Variants in MFSD8 observed in about 807,000 individuals in gnomAD.
The protein encoded by MFSD8 is major facilitator superfamily domain containing 8.
In MFSD8, 55 loss-of-function variants were observed where a neutral mutation model predicts 66.4. The observed-to-expected ratio is 0.83, with a 90% confidence interval of 0.67 to 1.04. MFSD8 has a LOEUF of 1.04. MFSD8 is among the 50% of genes least tolerant of loss of function. The probability of loss-of-function intolerance (pLI) is 0.00; values close to 1 mark genes in which losing one functional copy is unlikely to be tolerated. For missense variants in MFSD8, 550 were observed against 627.6 expected (o/e 0.88, Z 1.32); for synonymous variants, 202 against 212.8 (o/e 0.95, Z 0.44).
chr4:127,950,058 C>T (rs868260266), intron 2 of MFSD8, among the ~76,000 whole-genome samples: 8 of 152,008 alleles, frequency 5.3e-5, no homozygotes, highest in African/African-American at 1.9e-4. Context: ...ATCATAATAA[C>T]AAATACAAAA....
intron 8 of MFSD8, chr4:127,932,751 T>C (rs1416429415): frequency 5.1e-6 from 2 of 388,550 alleles, no homozygotes; most frequent in African/African-American, 2.1e-5. Context: ...AGGGAAAGAG[T>C]AGTGAAACAG....
At chr4:127,930,932 A>C in intron 8 of MFSD8, 115 bp from the exon 9 acceptor site, 2 of 1,037,756 alleles carry the variant, frequency 1.9e-6, no homozygotes, top group Non-Finnish European at 2.8e-6. Context: ...CATGCCTTTT[A>C]GCAATGACAA....
In MFSD8 at chr4:127,933,002, GATAA is replaced by G. The variant is rs1738418070; in HGVS notation, c.842_845del (p.Phe281SerfsTer12). On this transcript the variant is annotated frameshift_variant, in exon 8 of 12. Transcript: ENST00000641686. LOFTEE classifies it high-confidence loss of function. Reference sequence around the variant, plus strand: ...AAACTTACGTTTCAAAAAGGGCAAAGATAAATAGAGTCACAAAAAACAGAACATT... The same window carrying G: ...AAACTTACGTTTCAAAAAGGGCAAAGATAGAGTCACAAAAAACAGAACATT... 6.2e-7 allele frequency: 1 copy of G among 1,613,006 alleles called. No individual in the cohort carries two copies. Among genetic ancestry groups the G allele is most frequent in the African/African-American group, 1.3e-5 (1 of 74,870 alleles).
At chr4:127,930,869 A>T in intron 8 of MFSD8, 52 bp from the exon 9 acceptor site, 1 of 1,529,192 alleles carries the variant, frequency 6.5e-7, no homozygotes, top group Non-Finnish European at 8.9e-7. Context: ...TAACTGTTAT[A>T]CTTAAAGTGA....
At chr4:127,939,421 T>G (rs1427936957) in intron 6 of MFSD8, 2 of 162,260 alleles carry the variant, frequency 1.2e-5, no homozygotes, top group Non-Finnish European at 2.7e-5. Context: ...AGGTCAGGAG[T>G]TCAAGATCAG....
At chr4:127,920,887 T>C in intron 11 of MFSD8, 51 bp from the exon 12 acceptor site, 1 of 1,552,690 alleles carries the variant, frequency 6.4e-7, no homozygotes, top group Non-Finnish European at 8.8e-7. Context: ...GGTTTAGTTA[T>C]TTAAAAGCAA....
intron 1 of MFSD8, among the ~76,000 whole-genome samples, chr4:127,962,164 T>C (rs530854935): frequency 6.6e-6 from 1 of 152,272 alleles, no homozygotes; most frequent in South Asian, 2.1e-4. Flanking sequence ...TTAAAAAGTA[T>C]AGCAACGGGC....
At chr4:127,929,670 G>A (rs1032955765) in intron 9 of MFSD8, among the ~76,000 whole-genome samples, 1 of 151,990 alleles carries the variant, frequency 6.6e-6, no homozygotes, top group African/African-American at 2.4e-5. Context: ...ATAGCGGGAA[G>A]GAGGCAATAA....
At chr4:127,926,085 C>T (rs151030475) in intron 9 of MFSD8, among the ~76,000 whole-genome samples, 3,949 of 150,900 alleles carry the variant, frequency 0.026, 153 homozygotes, top group African/African-American at 0.091. Context: ...GGGCCTATTG[C>T]GGGGTGGGGG....
chr4:127,925,212 C>T (rs1736989533), intron 9 of MFSD8, among the ~76,000 whole-genome samples: 1 of 152,120 alleles, frequency 6.6e-6, no homozygotes, highest in Non-Finnish European at 1.5e-5. Context: ...ACACCAAAAG[C>T]AATGGCAACA....
chr4:127,921,218 G>C (rs1240364169), intron 11 of MFSD8: 2 of 589,440 alleles, frequency 3.4e-6, no homozygotes, highest in Admixed American at 6.1e-5. Flanking sequence ...AAAGGTAGAA[G>C]CTGAAACTCA....
intron 5 of MFSD8, 70 bp from the exon 6 acceptor site, chr4:127,940,067 A>C: frequency 1.5e-6 from 2 of 1,358,176 alleles, no homozygotes; most frequent in Non-Finnish European, 1.0e-6. Context: ...TGAAAAAGAC[A>C]TTTACAACAG....
intron 3 of MFSD8, among the ~76,000 whole-genome samples, chr4:127,947,451 G>A (rs537154185): frequency 9.9e-5 from 15 of 151,836 alleles, no homozygotes; most frequent in African/African-American, 2.4e-4. Context: ...GGTAGCTGGC[G>A]TCTGTAGTCC....
chr4:127,952,130 G>A (rs1256822891), intron 2 of MFSD8, among the ~76,000 whole-genome samples: 1 of 151,968 alleles, frequency 6.6e-6, no homozygotes, highest in South Asian at 2.1e-4. Context: ...TTCAGGCCAG[G>A]CACGGTGGCT....
rs202099128 is a variant in MFSD8 at position 127,953,554 on chromosome 4, T to G, written c.155-3707A>C. On this transcript the variant is annotated intron_variant, in intron 2 of 11. Transcript: ENST00000641686. The stretch of plus-strand genomic sequence containing the variant: ...GCACAAGGCATTCTGTTTTTTTTTT[T>G]TTTTTTTTTTTTTTTTTGAGACGGA... Among the ~76,000 whole-genome samples, 294 of 136,674 alleles carry G rather than the reference T, an allele frequency of 2.2e-3. 5 individuals carry two copies. The East Asian group carries it at 0.025, about 12-fold the overall frequency. The allele number at this position is 136,674 out of a possible 152,430, so 89.7% of individuals were successfully genotyped here.
At chr4:127,949,731 T>C in intron 3 of MFSD8, 73 bp downstream of exon 3, 1 of 1,260,654 alleles carries the variant, frequency 7.9e-7, no homozygotes, top group East Asian at 2.3e-5. Context: ...AGAGACTCTT[T>C]AGAAAATGCT....
At chr4:127,937,984 G>T (rs530059835) in intron 7 of MFSD8, among the ~76,000 whole-genome samples, 155 of 150,930 alleles carry the variant, frequency 1.0e-3, no homozygotes, top group African/African-American at 3.6e-3. Flanking sequence ...GTTTTTTTTT[G>T]GTAAAATATA....
At chr4:127,941,136 T>C (rs972129054) in intron 5 of MFSD8, among the ~76,000 whole-genome samples, 1 of 152,220 alleles carries the variant, frequency 6.6e-6, no homozygotes, top group Non-Finnish European at 1.5e-5. Flanking sequence ...CTTTACAATA[T>C]AGTATTCAAG....
At position 127,934,029 on chromosome 4, in the gene MFSD8, A is replaced by G. The variant is rs1304078067; in HGVS notation, c.755-936T>C. Among the ~76,000 whole-genome samples the G allele has an allele frequency of 2.0e-5, 3 of 152,316 alleles. No individual in the cohort carries two copies. In the South Asian group the frequency reaches 6.2e-4, roughly 32 times the overall value. ...CAGTGCAGGTGGATCACCTGAGGTCAGAAGTTTGAGACCAGCCTGGCCAAC... is the reference window on the plus strand; with the variant it reads ...CAGTGCAGGTGGATCACCTGAGGTCGGAAGTTTGAGACCAGCCTGGCCAAC... On this transcript the variant is annotated intron_variant, in intron 7 of 11. Coordinates refer to ENST00000641686, the MANE Select transcript of MFSD8 (RefSeq NM_001371596.2).
Sources: allele counts gnomAD v4.1 joint callset (sites outside exome capture counted in the v4.1 genomes callset), GRCh38; gene constraint gnomAD v4.1.1; transcripts MANE v1.5; gene names NCBI Gene and HGNC (gene_info 2026-07-23, HGNC 2026-07-21).